RAPGEF1: variants seen among roughly 807,000 people sequenced by gnomAD.
RAPGEF1 encodes the protein Rap guanine nucleotide exchange factor 1.
RAPGEF1 carries 33 observed loss-of-function variants against 143.3 expected under a neutral mutation model. The ratio of observed to expected loss-of-function variants is 0.23; its 90% CI spans 0.17 to 0.31. RAPGEF1 has a LOEUF of 0.31. Ranked by LOEUF, RAPGEF1 falls within the 10% of genes least tolerant of loss-of-function variation. The probability of loss-of-function intolerance (pLI) is 1.00; values close to 1 mark genes in which losing one functional copy is unlikely to be tolerated. For synonymous variants in RAPGEF1, 629 were observed against 676.5 expected (o/e 0.93, Z 1.09); for missense variants, 1,199 against 1,645.4 (o/e 0.73, Z 4.69).
intron 19 of RAPGEF1, 82 bp from the exon 20 acceptor site, chr9:131,589,068 G>T: frequency 7.4e-7 from 1 of 1,358,392 alleles, no homozygotes. Context: ...ACACACAAAG[G>T]GCACGGGGCT....
rs1588579871 is a variant in RAPGEF1 at position 131,628,445 on chromosome 9, A to G, written c.1017+104T>C. On this transcript the variant is annotated intron_variant, in intron 8 of 26. Transcript: ENST00000683357. The surrounding 1 kb of genome is among the most constrained non-coding windows in gnomAD (Gnocchi z 5.7). ...TCTCGCACTCCTCGATGTGACAAACACCAGCGCCTGAAGACCATGGGTTTC... is the reference window on the plus strand; with the variant it reads ...TCTCGCACTCCTCGATGTGACAAACGCCAGCGCCTGAAGACCATGGGTTTC... 1 of 1,454,944 alleles carries G rather than the reference A, an allele frequency of 6.9e-7. No individual in the cohort carries two copies. Among genetic ancestry groups the G allele is most frequent in the Non-Finnish European group, 9.3e-7 (1 of 1,073,742 alleles). The allele number at this position is 1,454,944 out of a possible 1,614,324, so 90.1% of individuals were successfully genotyped here.
chr9:131,610,514 G>C (rs1021539494), intron 12 of RAPGEF1, among the ~76,000 whole-genome samples: 1 of 152,236 alleles, frequency 6.6e-6, no homozygotes, highest in Non-Finnish European at 1.5e-5. Flanking sequence ...CTTGGCTCAA[G>C]TAAGGCTTAT....
chr9:131,620,908 T>C (rs1487807433), intron 11 of RAPGEF1, among the ~76,000 whole-genome samples: 2 of 152,198 alleles, frequency 1.3e-5, no homozygotes, highest in Non-Finnish European at 2.9e-5. Context: ...AGTCGCCTCC[T>C]GGTAGAAGCC....
chr9:131,588,472 C>T (rs559996212), intron 20 of RAPGEF1, among the ~76,000 whole-genome samples: 6 of 152,328 alleles, frequency 3.9e-5, no homozygotes, highest in East Asian at 1.9e-4. Context: ...GTCGAGGGGA[C>T]GGGCCACAGA....
chr9:131,716,804 C>T (rs1368679348), intron 1 of RAPGEF1, among the ~76,000 whole-genome samples: 1 of 152,116 alleles, frequency 6.6e-6, no homozygotes, highest in Non-Finnish European at 1.5e-5. Context: ...CCCCTCGATG[C>T]TTCCTGTAAT....
chr9:131,730,779 A>G (rs112502608), intron 1 of RAPGEF1, among the ~76,000 whole-genome samples: 34 of 151,628 alleles, frequency 2.2e-4, no homozygotes, highest in African/African-American at 6.5e-4. Flanking sequence ...CCAAATTACA[A>G]CAAAGGCACC....
At chr9:131,699,573 T>C (rs1167626369) in intron 1 of RAPGEF1, among the ~76,000 whole-genome samples, 4 of 152,212 alleles carry the variant, frequency 2.6e-5, no homozygotes, top group Admixed American at 6.5e-5. Flanking sequence ...AGGTCTCCAG[T>C]GACCACTATG....
At chr9:131,666,541 C>T (rs1428108733) in intron 1 of RAPGEF1, among the ~76,000 whole-genome samples, 1 of 152,054 alleles carries the variant, frequency 6.6e-6, no homozygotes, top group Non-Finnish European at 1.5e-5. Flanking sequence ...TGCCTGCTAC[C>T]ACGCCTGGCT....
rs1236092616 is a variant in RAPGEF1 at position 131,638,933 on chromosome 9, C to G, written c.495-142G>C. The G allele has an allele frequency of 6.5e-6, 5 of 767,048 alleles. No individual in the cohort carries two copies. In the African/African-American group the frequency reaches 8.8e-5, roughly 13 times the overall value. 47.5% of individuals were successfully genotyped at this position (767,048 alleles called of 1,614,324 possible). A position where few individuals can be genotyped will look rare whatever the true frequency, so the allele number is the denominator to read the frequency against. ...ATACTGCCTTTTAATAAGCAAACTT[C>G]TCCCATGAGACTTTTTCCATACATC... On this transcript the variant is annotated intron_variant, in intron 4 of 26. Transcript: ENST00000683357.
At chr9:131,657,294 C>G (rs946347940) in intron 1 of RAPGEF1, among the ~76,000 whole-genome samples, 2 of 152,152 alleles carry the variant, frequency 1.3e-5, no homozygotes, top group African/African-American at 4.8e-5. Flanking sequence ...TTCTCATGCA[C>G]GTCAATCATC....
chr9:131,677,851 G>C (rs1431636269), intron 1 of RAPGEF1, among the ~76,000 whole-genome samples: 1 of 152,204 alleles, frequency 6.6e-6, no homozygotes, highest in Non-Finnish European at 1.5e-5. Flanking sequence ...GTCTTGGTCT[G>C]CATCAATCCC....
chr9:131,650,880 T>G lies in RAPGEF1; in HGVS notation c.131A>C (p.Lys44Thr). The part of the protein sequence containing the change: ...LMDKFHSPKI[K>T]RTPSKKGKPA... ...TTTTCCCTTCTTTGATGGCGTTCTC[T>G]TGATTTTGGGTGAGTGGAATTTGTC... Residue 44 changes from lysine to threonine, a missense_variant, in exon 2 of 27, where the codon AAG becomes ACG. By Grantham distance (78) the Lys-to-Thr change is moderately conservative. This residue lies in a region of RAPGEF1 where 613 missense variants were observed against 710.9 expected (regional missense o/e 0.86). Coordinates refer to ENST00000683357, the MANE Select transcript of RAPGEF1 (RefSeq NM_001377935.1). This position sits in a 1 kb window ranked among gnomAD's most constrained non-coding sequence, Gnocchi z 4.7. The G allele has an allele frequency of 6.2e-7, 1 of 1,614,046 alleles. No homozygotes were observed. The highest frequency in any genetic ancestry group is 8.5e-7 in the Non-Finnish European group (1 of 1,179,886).
In RAPGEF1 at chr9:131,579,375, GC is replaced by G; in HGVS notation, c.*121del. On this transcript the variant is annotated 3_prime_UTR_variant, in exon 27 of 27. Transcript: ENST00000683357. ...TCCCGCCCGGCCCCGCTGAGGGCTG[GC>G]CAGCCTCATGGCTCCGAGGCCGGGA... 7.3e-7 allele frequency: 1 copy of G among 1,376,788 alleles called. No individual in the cohort carries two copies. The highest frequency in any genetic ancestry group is 9.9e-7 in the Non-Finnish European group (1 of 1,011,538). The allele number at this position is 1,376,788 out of a possible 1,614,324, so 85.3% of individuals were successfully genotyped here. A position where few individuals can be genotyped will look rare whatever the true frequency, so the allele number is the denominator to read the frequency against.
chr9:131,719,886 C>CTTTCT (rs1836142182), intron 1 of RAPGEF1, among the ~76,000 whole-genome samples: 1 of 135,730 alleles, frequency 7.4e-6, no homozygotes, highest in Non-Finnish European at 1.6e-5. Flanking sequence ...TTCTTTCTTT[C>CTTTCT]TTTTTTTTTT....
At chr9:131,636,000 G>A (rs988795036) in intron 5 of RAPGEF1, among the ~76,000 whole-genome samples, 5 of 152,176 alleles carry the variant, frequency 3.3e-5, no homozygotes, top group South Asian at 2.1e-4. Flanking sequence ...ACTCCAGCAT[G>A]AAAAGCTCCC....
intron 1 of RAPGEF1, among the ~76,000 whole-genome samples, chr9:131,679,742 T>C (rs1175539058): frequency 6.6e-6 from 1 of 152,062 alleles, no homozygotes; most frequent in Non-Finnish European, 1.5e-5. Flanking sequence ...CCACTCGGGG[T>C]GTGGGCAAAA....
At chr9:131,685,095 T>C (rs1833229237) in intron 1 of RAPGEF1, among the ~76,000 whole-genome samples, 1 of 152,180 alleles carries the variant, frequency 6.6e-6, no homozygotes, top group Admixed American at 6.5e-5. Context: ...CAGAGAACAA[T>C]TATACTTACT....
At position 131,641,843 on chromosome 9, in the gene RAPGEF1, G is replaced by C. The variant is rs762863620; in HGVS notation, c.494+1396C>G. ...CTGGCCAAAAGACCACAGTCTCCAC[G>C]CGTCAGCTGAAACTCCAGGGAGGAA... On this transcript the variant is annotated intron_variant, in intron 4 of 26. Coordinates refer to ENST00000683357, the MANE Select transcript of RAPGEF1 (RefSeq NM_001377935.1). The surrounding 1 kb of genome is among the most constrained non-coding windows in gnomAD (Gnocchi z 4.6). 1.3e-5 allele frequency among the ~76,000 whole-genome samples: 2 copies of C among 152,162 alleles called. No individual in the cohort carries two copies. Among genetic ancestry groups the C allele is most frequent in the African/African-American group, 2.4e-5 (1 of 41,416 alleles).
intron 3 of RAPGEF1, among the ~76,000 whole-genome samples, chr9:131,645,213 G>A (rs753241802): frequency 6.6e-6 from 1 of 152,182 alleles, no homozygotes; most frequent in African/African-American, 2.4e-5. Context: ...TCGCAGTGCC[G>A]ACAGACCTCA....
Sources: allele counts gnomAD v4.1 joint callset (sites outside exome capture counted in the v4.1 genomes callset), GRCh38; gene constraint gnomAD v4.1.1; regional missense constraint gnomAD v4.1.1; non-coding constraint Gnocchi (gnomAD v3.1); transcripts MANE v1.5; gene names NCBI Gene and HGNC (gene_info 2026-07-23, HGNC 2026-07-21).